KIF1B: variants seen among roughly 807,000 people sequenced by gnomAD.
The protein encoded by KIF1B is kinesin family member 1B.
KIF1B carries 76 observed loss-of-function variants against 241.9 expected under a neutral mutation model. The observed-to-expected ratio is 0.31, with a 90% CI of 0.26 to 0.38. KIF1B has a LOEUF of 0.38. KIF1B is among the 10% of genes least tolerant of loss of function. KIF1B has a pLI of 1.00. For synonymous variants in KIF1B, 750 were observed against 796.7 expected (o/e 0.94, Z 0.99); for missense variants, 1,622 against 2,271.4 (o/e 0.71, Z 5.81).
At position 10,279,112 on chromosome 1, in the gene KIF1B, A is replaced by T. The variant is rs574843832; in HGVS notation, c.1196A>T (p.Asp399Val). The change falls in exon 14 of 49, where the codon GAT becomes GTT. Residue 399 changes from aspartate (D) to valine (V), a missense_variant. By Grantham distance (152) the Asp-to-Val change is radical. This residue lies in a region of KIF1B where 201 missense variants were observed against 301.2 expected (regional missense o/e 0.67). Coordinates refer to ENST00000676179, the MANE Select transcript of KIF1B (RefSeq NM_001365951.3). The stretch of plus-strand genomic sequence containing the variant: ...TTACCTTCAGTTGATCCATTGATCG[A>T]TGATTACTCTGGAAGTGGAAGCAAA... ...GDIIDIDPLI[D>V]DYSGSGSKYL... The T allele has an allele frequency of 6.5e-7, 1 of 1,547,698 alleles. No individual in the cohort carries two copies. Among genetic ancestry groups the T allele is most frequent in the Admixed American group, 2.0e-5 (1 of 50,894 alleles).
Position 10,365,361 on chromosome 1 carries a change from T to G in KIF1B, c.4513-48T>G. The G allele has an allele frequency of 6.2e-7, 1 of 1,614,110 alleles. No individual in the cohort carries two copies. On this transcript the variant is annotated intron_variant, in intron 42 of 48. Transcript: ENST00000676179. The surrounding 1 kb of genome is among the most constrained non-coding windows in gnomAD (Gnocchi z 4.0). Reference sequence around the variant, plus strand: ...AGCTTTTCACTTTTCTCTCCTGAGGTCTTAACGAGCTTTGTGTTTGCTATA... The same window carrying G: ...AGCTTTTCACTTTTCTCTCCTGAGGGCTTAACGAGCTTTGTGTTTGCTATA...
Position 10,303,187 on chromosome 1 carries a change from G to A in KIF1B, c.2115+5941G>A. ...GGACGCGGATTCTGATAGCGGGGACGATTCTGACAAGAGGTCGTGTGAAGA... is the reference window on the plus strand; with the variant it reads ...GGACGCGGATTCTGATAGCGGGGACAATTCTGACAAGAGGTCGTGTGAAGA... On this transcript the variant is annotated intron_variant, in intron 22 of 48. Transcript: ENST00000676179. The surrounding 1 kb of genome is among the most constrained non-coding windows in gnomAD (Gnocchi z 5.2). 8 of 1,613,406 alleles carry A rather than the reference G, an allele frequency of 5.0e-6. 1 individual carries two copies. Among genetic ancestry groups the A allele is most frequent in the South Asian group, 4.4e-5 (4 of 90,948 alleles).
intron 1 of KIF1B, among the ~76,000 whole-genome samples, chr1:10,217,932 T>C (rs1366854416): frequency 6.6e-6 from 1 of 152,146 alleles, no homozygotes; most frequent in East Asian, 1.9e-4. Context: ...TCACGGATTA[T>C]TTTTCCCAGG....
chr1:10,304,211 G>C, intron 22 of KIF1B: 1 of 1,614,144 alleles, frequency 6.2e-7, no homozygotes, highest in Non-Finnish European at 8.5e-7. Context: ...GAAAAAGGGG[G>C]TAAAGGAGCT....
At position 10,352,543 on chromosome 1, in the gene KIF1B, G is replaced by C. The variant is rs1402294362; in HGVS notation, c.3950-88G>C. ...CCCTTCCAGCTCCTGAACTTACACA[G>C]AGATTTAAAAGTCTCTTTTGGGCTT... is the stretch of plus-strand genomic sequence containing the variant. On this transcript the variant is annotated intron_variant, in intron 37 of 48. Transcript: ENST00000676179. The C allele has an allele frequency of 4.2e-6, 5 of 1,178,926 alleles. No homozygotes were observed. The Admixed American group carries it at 8.7e-5, about 21-fold the overall frequency. 73.0% of individuals were successfully genotyped at this position (1,178,926 alleles called of 1,614,324 possible). A position where few individuals can be genotyped will look rare whatever the true frequency, so the allele number is the denominator to read the frequency against.
chr1:10,311,398 G>A (rs529301286), intron 22 of KIF1B, among the ~76,000 whole-genome samples: 2 of 150,954 alleles, frequency 1.3e-5, no homozygotes, highest in East Asian at 1.9e-4. Flanking sequence ...TAGTAGAGAC[G>A]GACGGGGTCT....
intron 27 of KIF1B, among the ~76,000 whole-genome samples, chr1:10,328,916 G>T (rs1651819482): frequency 6.6e-6 from 1 of 152,300 alleles, no homozygotes; most frequent in Non-Finnish European, 1.5e-5. Context: ...ATCTACACTA[G>T]CAAAAATGAA....
At chr1:10,338,023 A>G (rs762663594) in intron 31 of KIF1B, among the ~76,000 whole-genome samples, 1 of 152,176 alleles carries the variant, frequency 6.6e-6, no homozygotes, top group African/African-American at 2.4e-5. Flanking sequence ...TCTCATCTAC[A>G]TAGGACTTGC....
At chr1:10,258,777 T>A in intron 4 of KIF1B, 105 bp downstream of exon 4, 1 of 1,145,916 alleles carries the variant, frequency 8.7e-7, no homozygotes, top group Non-Finnish European at 1.3e-6. Context: ...GGGGATTGTT[T>A]TATGTCAGGC....
chr1:10,270,851 A>T (rs1044838861), intron 7 of KIF1B, among the ~76,000 whole-genome samples: 6 of 151,362 alleles, frequency 4.0e-5, no homozygotes, highest in Admixed American at 2.6e-4. Context: ...GTTTGAACCC[A>T]GGAGGTGGAG....
intron 38 of KIF1B, among the ~76,000 whole-genome samples, chr1:10,356,624 G>A (rs1039211628): frequency 1.6e-3 from 231 of 148,608 alleles, no homozygotes; most frequent in Admixed American, 3.8e-3. Context: ...AAATGCGGCC[G>A]GGCACGGTGG....
intron 41 of KIF1B, among the ~76,000 whole-genome samples, chr1:10,364,612 AAT>A (rs1352082851): frequency 1.4e-4 from 22 of 152,164 alleles, no homozygotes; most frequent in Admixed American, 1.4e-3. Flanking sequence ...ATTATCAAAG[AAT>A]GTAAAACTCA....
chr1:10,306,037 T>G (rs977136707), intron 22 of KIF1B: 2 of 1,048,826 alleles, frequency 1.9e-6, no homozygotes, highest in African/African-American at 1.7e-5. Flanking sequence ...TTATGTTTTT[T>G]TTTCCTTTGC....
intron 1 of KIF1B, among the ~76,000 whole-genome samples, chr1:10,226,836 C>T (rs1343941727): frequency 6.6e-5 from 10 of 151,796 alleles, no homozygotes; most frequent in African/African-American, 2.2e-4. Flanking sequence ...GGCGTGGTGG[C>T]GTGTGCCTGT....
At chr1:10,297,450 CT>C (rs979817383) in intron 22 of KIF1B, among the ~76,000 whole-genome samples, 1 of 152,128 alleles carries the variant, frequency 6.6e-6, no homozygotes, top group African/African-American at 2.4e-5. Context: ...CTCTTTTGGG[CT>C]TTTTATGTCT....
chr1:10,360,296 C>G (rs1422044367), intron 38 of KIF1B, among the ~76,000 whole-genome samples: 1 of 152,138 alleles, frequency 6.6e-6, no homozygotes, highest in Non-Finnish European at 1.5e-5. Flanking sequence ...CAGTTTCTGT[C>G]CATACTCACT....
chr1:10,328,825 C>T (rs759668958), intron 27 of KIF1B, among the ~76,000 whole-genome samples: 2 of 152,166 alleles, frequency 1.3e-5, no homozygotes, highest in African/African-American at 4.8e-5. Flanking sequence ...TAAAGTGAAG[C>T]CTTTGGGCTC....
At chr1:10,308,012 G>A (rs1371431203) in intron 22 of KIF1B, 3 of 1,057,704 alleles carry the variant, frequency 2.8e-6, no homozygotes, top group African/African-American at 3.3e-5. Context: ...TGCTTTAGGT[G>A]CAGGTTGACA....
At position 10,381,430 on chromosome 1, in the gene KIF1B, C is replaced by G; in HGVS notation, c.*4843C>G. 1 of 212,140 alleles carries G rather than the reference C, an allele frequency of 4.7e-6. No individual in the cohort carries two copies. Among genetic ancestry groups the G allele is most frequent in the Non-Finnish European group, 9.6e-6 (1 of 104,566 alleles). The allele number at this position is 212,140 out of a possible 1,614,324, so 13.1% of individuals were successfully genotyped here. On this transcript the variant is annotated 3_prime_UTR_variant, in exon 49 of 49. Transcript: ENST00000676179. ...TGTAAATATTATCTGATGTTTGGAG[C>G]TTGAGTATACAGACTGTAAATATAG...
Sources: allele counts gnomAD v4.1 joint callset (sites outside exome capture counted in the v4.1 genomes callset), GRCh38; gene constraint gnomAD v4.1.1; regional missense constraint gnomAD v4.1.1; non-coding constraint Gnocchi (gnomAD v3.1); transcripts MANE v1.5; gene names NCBI Gene and HGNC (gene_info 2026-07-23, HGNC 2026-07-21).